Variants in EIF2AK4 observed in about 807,000 individuals in gnomAD.
EIF2AK4 encodes eukaryotic translation initiation factor 2 alpha kinase 4, also known as eIF-2-alpha kinase GCN2.
EIF2AK4 carries 139 observed loss-of-function variants against 211.1 expected under a neutral mutation model. That is an observed-to-expected ratio of 0.66 (90% CI 0.57 to 0.76). The LOEUF is 0.76. EIF2AK4 is among the 30% of genes least tolerant of loss of function. EIF2AK4 has a pLI of 0.00. For missense variants in EIF2AK4, 1,664 were observed against 2,043.8 expected, an observed-to-expected ratio of 0.81 and a Z score of 3.58; for synonymous variants, 710 against 751.3, an observed-to-expected ratio of 0.94 and a Z score of 0.90.
intron 33 of EIF2AK4, 127 bp from the exon 34 acceptor site, chr15:40,029,279 A>G: frequency 7.2e-7 from 1 of 1,389,408 alleles, no homozygotes. Flanking sequence ...TTTTTCCACC[A>G]ATAACCAAGA....
At chr15:40,009,333 C>T (rs546394403) in intron 25 of EIF2AK4, among the ~76,000 whole-genome samples, 22 of 152,080 alleles carry the variant, frequency 1.4e-4, no homozygotes, top group African/African-American at 5.3e-4. Flanking sequence ...AAGGGATCCT[C>T]CAACCTTGGC....
chr15:40,034,955 T>TA, intron 38 of EIF2AK4, 72 bp from the exon 39 acceptor site: 3 of 1,270,088 alleles, frequency 2.4e-6, no homozygotes, highest in Non-Finnish European at 2.2e-6. Flanking sequence ...ACAGGTGTTA[T>TA]AAAAATTTAT....
chr15:39,940,735 G>A (rs2034133988), intron 2 of EIF2AK4, among the ~76,000 whole-genome samples: 1 of 151,746 alleles, frequency 6.6e-6, no homozygotes, highest in Admixed American at 6.6e-5. Flanking sequence ...CTGATACCAT[G>A]TGGGTGTCCA....
intron 16 of EIF2AK4, among the ~76,000 whole-genome samples, chr15:39,990,610 A>G (rs1221259254): frequency 6.6e-6 from 1 of 152,206 alleles, no homozygotes; most frequent in African/African-American, 2.4e-5. Flanking sequence ...CTTGGGAACA[A>G]TATTGTGGTC....
At chr15:39,979,757 T>TA (rs1379138385) in intron 13 of EIF2AK4, among the ~76,000 whole-genome samples, 2 of 152,206 alleles carry the variant, frequency 1.3e-5, no homozygotes, top group Non-Finnish European at 2.9e-5. Flanking sequence ...CCCAGATAGA[T>TA]ATCAAGTTTC....
intron 4 of EIF2AK4, among the ~76,000 whole-genome samples, chr15:39,949,960 A>C (rs2034283875): frequency 6.6e-6 from 1 of 151,986 alleles, no homozygotes; most frequent in South Asian, 2.1e-4. Context: ...AAAATCTTTT[A>C]AATCAAAGAT....
At position 40,017,501 on chromosome 15, in the gene EIF2AK4, C is replaced by CTTTA. The variant is rs1363648720; in HGVS notation, c.4065+260_4065+261insTTAT. On this transcript the variant is annotated intron_variant, in intron 29 of 38. Coordinates refer to ENST00000263791, the MANE Select transcript of EIF2AK4 (RefSeq NM_001013703.4). ...GGCTCATGTACCCTTTACTCTGTTT[C>CTTTA]TATATATATATATATATATATATAT... is the stretch of plus-strand genomic sequence containing the variant. Among the ~76,000 whole-genome samples the CTTTA allele has an allele frequency of 4.1e-3, 106 of 26,066 alleles. 13 individuals carry two copies. Among genetic ancestry groups the CTTTA allele is most frequent in the Admixed American group, 6.8e-3 (15 of 2,202 alleles). 17.1% of individuals were successfully genotyped at this position (26,066 alleles called of 152,430 possible). A position where few individuals can be genotyped will look rare whatever the true frequency, so the allele number is the denominator to read the frequency against.
chr15:40,015,536 C>T lies in EIF2AK4; in HGVS notation c.3760-966C>T, dbSNP rs539296228. On this transcript the variant is annotated intron_variant, in intron 27 of 38. Coordinates refer to ENST00000263791, the MANE Select transcript of EIF2AK4 (RefSeq NM_001013703.4). Reference sequence around the variant, plus strand: ...AGGACCCGCCCACATGATTCAGTTACCTCCCACTGGATCCCTCCCATGACA... The same window carrying T: ...AGGACCCGCCCACATGATTCAGTTATCTCCCACTGGATCCCTCCCATGACA... Among the ~76,000 whole-genome samples, 58 of 152,294 alleles carry T rather than the reference C, an allele frequency of 3.8e-4. 1 individual carries two copies. The highest frequency in any genetic ancestry group is 4.4e-5 in the Non-Finnish European group (3 of 68,026).
At chr15:39,982,335 G>C (rs2034802695) in intron 13 of EIF2AK4, among the ~76,000 whole-genome samples, 1 of 152,146 alleles carries the variant, frequency 6.6e-6, no homozygotes, top group Non-Finnish European at 1.5e-5. Context: ...TCAAATATTA[G>C]CCTGTATGCA....
Position 40,023,922 on chromosome 15 carries a change from A to G in EIF2AK4, c.4389+1317A>G, listed in dbSNP as rs188157084. 3.3e-5 allele frequency among the ~76,000 whole-genome samples: 5 copies of G among 152,316 alleles called. No homozygotes were observed. The East Asian group carries it at 7.7e-4, about 23-fold the overall frequency. ...CAAATTCAGCCCATAGCCTGCTTTTATATGTCTGTGAACTAGAAATTTTTA... is the reference window on the plus strand; with the variant it reads ...CAAATTCAGCCCATAGCCTGCTTTTGTATGTCTGTGAACTAGAAATTTTTA... On this transcript the variant is annotated intron_variant, in intron 32 of 38. Coordinates refer to ENST00000263791, the MANE Select transcript of EIF2AK4 (RefSeq NM_001013703.4).
At chr15:40,034,279 G>C (rs1353766607) in intron 37 of EIF2AK4, 47 bp from the exon 38 acceptor site, 1 of 1,495,736 alleles carries the variant, frequency 6.7e-7, no homozygotes, top group Non-Finnish European at 9.2e-7. Flanking sequence ...AAACCAGCTA[G>C]TAAACCCTAG....
intron 7 of EIF2AK4, among the ~76,000 whole-genome samples, chr15:39,963,068 G>A (rs1430195336): frequency 6.6e-6 from 1 of 152,214 alleles, no homozygotes; most frequent in Admixed American, 6.5e-5. Context: ...CAGCCAGCAG[G>A]TGGAGGGAGA....
intron 36 of EIF2AK4, 27 bp downstream of exon 36, chr15:40,032,264 A>G: frequency 1.2e-6 from 2 of 1,603,840 alleles, no homozygotes; most frequent in South Asian, 2.2e-5. Flanking sequence ...AGTATTTTGA[A>G]GGTGGCTTCT....
intron 15 of EIF2AK4, among the ~76,000 whole-genome samples, chr15:39,989,789 G>C (rs1223014294): frequency 6.6e-6 from 1 of 152,248 alleles, no homozygotes; most frequent in African/African-American, 2.4e-5. Flanking sequence ...CCTACTGTGT[G>C]TGCTGGGGAT....
At chr15:40,033,062 C>T (rs1012837347) in intron 37 of EIF2AK4, among the ~76,000 whole-genome samples, 4 of 152,134 alleles carry the variant, frequency 2.6e-5, no homozygotes, top group Non-Finnish European at 4.4e-5. Context: ...ACATATACTG[C>T]TTTTACTATG....
chr15:39,988,868 G>A (rs986630581), intron 15 of EIF2AK4, among the ~76,000 whole-genome samples: 2 of 152,142 alleles, frequency 1.3e-5, no homozygotes, highest in African/African-American at 4.8e-5. Context: ...GAGTGTCGTG[G>A]TGCACACTTG....
At chr15:39,944,712 C>T (rs961418135) in intron 3 of EIF2AK4, among the ~76,000 whole-genome samples, 43 of 152,292 alleles carry the variant, frequency 2.8e-4, no homozygotes, top group Admixed American at 2.6e-4. Context: ...GGATTACAGG[C>T]GTGAGCCACC....
intron 14 of EIF2AK4, 67 bp downstream of exon 14, chr15:39,985,955 G>A: frequency 7.1e-7 from 1 of 1,408,962 alleles, no homozygotes; most frequent in Non-Finnish European, 9.9e-7. Context: ...CCTGTTTCAG[G>A]GTATTAGAAC....
At chr15:39,964,292 C>G (rs777908725) in intron 7 of EIF2AK4, among the ~76,000 whole-genome samples, 3 of 152,132 alleles carry the variant, frequency 2.0e-5, no homozygotes, top group Non-Finnish European at 4.4e-5. Flanking sequence ...TTAGCAATGT[C>G]TCTTTAAAAA....
Sources: gnomAD v4.1 joint callset for allele counts (sites outside exome capture counted in the v4.1 genomes callset) on GRCh38, gnomAD v4.1.1 for gene constraint, MANE v1.5 for transcripts, NCBI Gene and HGNC (gene_info 2026-07-23, HGNC 2026-07-21) for gene names.